The following LMBR1 variants were observed in gnomAD, a reference collection of about 807,000 sequenced individuals.
The protein encoded by LMBR1 is limb region 1 protein homolog.
A neutral mutation model predicts 73.9 loss-of-function variants in LMBR1; 52 were observed. That is an observed-to-expected ratio of 0.70 (90% CI 0.56 to 0.89). The LOEUF is 0.89. Among genes scored for constraint, LMBR1 ranks in the 40% least tolerant of loss-of-function variants. LMBR1 has a pLI of 0.00. For missense variants in LMBR1, 539 were observed against 579.8 expected (o/e 0.93, Z 0.72); for synonymous variants, 215 against 209.4 (o/e 1.03, Z -0.23).
chr7:156,819,384 TGACA>T (rs1162663282), intron 4 of LMBR1, among the ~76,000 whole-genome samples: 1 of 152,230 alleles, frequency 6.6e-6, no homozygotes, highest in East Asian at 1.9e-4. Context: ...ACATCCATAC[TGACA>T]ATTTTATAAA....
At chr7:156,823,824 C>T (rs1057493653) in intron 4 of LMBR1, 1 of 152,306 alleles carries the variant, frequency 6.6e-6, no homozygotes, top group Non-Finnish European at 1.5e-5. Flanking sequence ...GGCACGGTGG[C>T]TCACGCCTGT....
chr7:156,730,099 T>C (rs1816563213), intron 10 of LMBR1, among the ~76,000 whole-genome samples: 2 of 152,270 alleles, frequency 1.3e-5, no homozygotes, highest in South Asian at 2.1e-4. Flanking sequence ...AGCAAACCTT[T>C]CAGCAAACTC....
chr7:156,833,548 A>G (rs558674365), intron 3 of LMBR1: 73 of 524,728 alleles, frequency 1.4e-4, no homozygotes, highest in African/African-American at 1.1e-3. Context: ...AAAATCTGTC[A>G]GCTCCTTAAA....
Position 156,680,161 on chromosome 7 carries a change from A to C in LMBR1, c.*3917T>G, listed in dbSNP as rs921004969. The C allele has an allele frequency of 2.0e-5, 3 of 152,092 alleles. No individual in the cohort carries two copies. Among genetic ancestry groups the C allele is most frequent in the Admixed American group, 6.5e-5 (1 of 15,278 alleles). 9.4% of individuals were successfully genotyped at this position (152,092 alleles called of 1,614,324 possible). A position where few individuals can be genotyped will look rare whatever the true frequency, so the allele number is the denominator to read the frequency against. On this transcript the variant is annotated 3_prime_UTR_variant, in exon 17 of 17. Coordinates refer to ENST00000353442, the MANE Select transcript of LMBR1 (RefSeq NM_022458.4). ...ATATTCAAAAACCAAAAAAAAAAAA[A>C]ACTCCAAAAAGGTCTTTGTATTATT... is the stretch of plus-strand genomic sequence containing the variant.
chr7:156,870,933 A>G (rs1187658103), intron 1 of LMBR1, among the ~76,000 whole-genome samples: 1 of 152,078 alleles, frequency 6.6e-6, no homozygotes, highest in East Asian at 1.9e-4. Context: ...CTAAGCCCAA[A>G]GTTGCCAGAA....
chr7:156,711,835 T>C (rs965000144), intron 15 of LMBR1, among the ~76,000 whole-genome samples: 1 of 152,134 alleles, frequency 6.6e-6, no homozygotes, highest in African/African-American at 2.4e-5. Context: ...TCTCTCGCCA[T>C]ATATAAAAAT....
rs532436750 is a variant in LMBR1, at chr7:156,806,464, T to A, written c.320-9972A>T. ...TCCAACTTCAGTGACTTATTTTTTT[T>A]AAAAAAAACCTCCAGAATGATGTTA... is the stretch of plus-strand genomic sequence containing the variant. On this transcript the variant is annotated intron_variant, in intron 4 of 16. Coordinates refer to ENST00000353442, the MANE Select transcript of LMBR1 (RefSeq NM_022458.4). 1.9e-3 allele frequency among the ~76,000 whole-genome samples: 281 copies of A among 151,250 alleles called. 1 individual carries two copies. The highest frequency in any genetic ancestry group is 4.3e-3 in the African/African-American group (179 of 41,264).
intron 1 of LMBR1, among the ~76,000 whole-genome samples, chr7:156,839,047 CTTT>C (rs1164786244): frequency 9.1e-5 from 9 of 98,522 alleles, no homozygotes; most frequent in African/African-American, 2.4e-4. Flanking sequence ...TAGTCCTTTG[CTTT>C]TTTTTTTTTT....
chr7:156,787,487 G>A (rs1178611145), intron 5 of LMBR1, among the ~76,000 whole-genome samples: 2 of 152,060 alleles, frequency 1.3e-5, no homozygotes, highest in African/African-American at 4.8e-5. Flanking sequence ...AAACTCATGA[G>A]GTGACAACAA....
intron 4 of LMBR1, among the ~76,000 whole-genome samples, chr7:156,821,242 G>A (rs1391597469): frequency 1.3e-5 from 2 of 152,200 alleles, no homozygotes; most frequent in East Asian, 1.9e-4. Flanking sequence ...CGCCAATGCC[G>A]ACGGTCCCCA....
At chr7:156,675,742 T>C (rs201130568), downstream of LMBR1, 183 of 1,561,012 alleles carry the variant, frequency 1.2e-4, no homozygotes, top group South Asian at 7.0e-4. Flanking sequence ...AACACCAACA[T>C]TGAAGAGCTC....
chr7:156,742,561 C>T (rs539733242), intron 9 of LMBR1, among the ~76,000 whole-genome samples: 7 of 152,064 alleles, frequency 4.6e-5, no homozygotes, highest in Non-Finnish European at 5.9e-5. Context: ...GATTGAACCA[C>T]GAAGAAATCT....
At chr7:156,769,423 C>T (rs1824764815) in intron 5 of LMBR1, among the ~76,000 whole-genome samples, 1 of 152,120 alleles carries the variant, frequency 6.6e-6, no homozygotes, top group Admixed American at 6.6e-5. Flanking sequence ...TTACCAGGGG[C>T]CCTTCCTCCT....
chr7:156,729,418 G>T (rs900506268), intron 10 of LMBR1, among the ~76,000 whole-genome samples: 59 of 146,938 alleles, frequency 4.0e-4, no homozygotes, highest in Non-Finnish European at 7.9e-4. Context: ...TCTACATATT[G>T]ATATATATAT....
At chr7:156,675,379 G>A (rs555241798), downstream of LMBR1, among the ~76,000 whole-genome samples, 22 of 152,296 alleles carry the variant, frequency 1.4e-4, no homozygotes, top group South Asian at 8.3e-4. Context: ...GAGGTCAGAC[G>A]GTCCCTCCTG....
chr7:156,688,696 C>T (rs1402030421), intron 15 of LMBR1, among the ~76,000 whole-genome samples: 2 of 152,170 alleles, frequency 1.3e-5, no homozygotes, highest in Non-Finnish European at 2.9e-5. Flanking sequence ...GGACAGGAAA[C>T]CTCTGACTCC....
intron 1 of LMBR1, among the ~76,000 whole-genome samples, chr7:156,845,404 C>G (rs1839424171): frequency 6.6e-6 from 1 of 151,488 alleles, no homozygotes; most frequent in African/African-American, 2.4e-5. Context: ...ACCCTAACAA[C>G]AAGAAAAATA....
intron 5 of LMBR1, among the ~76,000 whole-genome samples, chr7:156,776,794 A>T (rs537581874): frequency 1.3e-5 from 2 of 152,106 alleles, no homozygotes; most frequent in African/African-American, 4.8e-5. Context: ...CTACTCCTTG[A>T]TTCCCAGCCC....
intron 1 of LMBR1, among the ~76,000 whole-genome samples, chr7:156,873,030 G>T (rs371194213): frequency 6.6e-6 from 1 of 151,208 alleles, no homozygotes; most frequent in African/African-American, 2.4e-5. Flanking sequence ...GCGTTGGCAC[G>T]TCTGGAGTCT....
Sources: gnomAD v4.1 joint callset for allele counts (sites outside exome capture counted in the v4.1 genomes callset) on GRCh38, gnomAD v4.1.1 for gene constraint, MANE v1.5 for transcripts, NCBI Gene and HGNC (gene_info 2026-07-23, HGNC 2026-07-21) for gene names.